Variants in CABIN1 observed in about 807,000 individuals in gnomAD.
CABIN1 encodes the protein calcineurin binding protein 1, also known as calcineurin-binding protein cabin-1.
A neutral mutation model predicts 227.7 loss-of-function variants in CABIN1; 133 were observed. That is an observed-to-expected ratio of 0.58 (90% CI 0.51 to 0.67). The LOEUF is 0.67. Ranked by LOEUF, CABIN1 falls within the 30% of genes least tolerant of loss-of-function variation. CABIN1 has a pLI of 0.00. For missense variants in CABIN1, 2,408 were observed against 2,852.5 expected (o/e 0.84, Z 3.55); for synonymous variants, 1,086 against 1,155.1 (o/e 0.94, Z 1.21).
intron 6 of CABIN1, 131 bp downstream of exon 6, chr22:24,043,215 A>G (rs1014109927): frequency 2.8e-5 from 19 of 676,258 alleles, no homozygotes; most frequent in East Asian, 5.7e-5. Flanking sequence ...GAGAATGGCA[A>G]TGTTCTTAGA....
chr22:24,047,553 T>C (rs1422787859), intron 6 of CABIN1, among the ~76,000 whole-genome samples: 2 of 152,238 alleles, frequency 1.3e-5, no homozygotes, highest in Non-Finnish European at 2.9e-5. Flanking sequence ...GGACCATCTA[T>C]TGAGCAGCGT....
At chr22:24,032,251 T>C (rs2036551066) in intron 1 of CABIN1, among the ~76,000 whole-genome samples, 4 of 152,250 alleles carry the variant, frequency 2.6e-5, no homozygotes, top group Admixed American at 2.0e-4. Flanking sequence ...ATTTGTTCTT[T>C]TGTGTCTGGC....
chr22:24,076,899 G>A (rs1349143169), intron 19 of CABIN1, among the ~76,000 whole-genome samples: 1 of 152,082 alleles, frequency 6.6e-6, no homozygotes, highest in Non-Finnish European at 1.5e-5. Context: ...CAGAGCACCT[G>A]GTGTTCTTCA....
chr22:24,098,286 A>C, intron 26 of CABIN1, 94 bp downstream of exon 26: 2 of 1,381,766 alleles, frequency 1.4e-6, no homozygotes, highest in Non-Finnish European at 2.0e-6. Flanking sequence ...CGTTTTGGTG[A>C]GGGGGGGTGC....
At chr22:24,076,143 T>C in intron 18 of CABIN1, 26 bp from the exon 19 acceptor site, 1 of 1,584,510 alleles carries the variant, frequency 6.3e-7, no homozygotes. Flanking sequence ...ACTAACTCTG[T>C]GTCTGTCGGC....
chr22:24,175,079 T>G lies in CABIN1; in HGVS notation c.6041-1032T>G, dbSNP rs2047029907. 2.0e-5 allele frequency among the ~76,000 whole-genome samples: 3 copies of G among 152,364 alleles called. No homozygotes were observed. The South Asian group carries it at 6.2e-4, about 32-fold the overall frequency. On this transcript the variant is annotated intron_variant, in intron 34 of 36. Coordinates refer to ENST00000263119, the MANE Select transcript of CABIN1 (RefSeq NM_012295.4). ...AAGAGGATCTGTTTCCTAGCATACC[T>G]TCTTCAGCCTGGAGAGTTGATCCTT...
chr22:24,049,009 A>G (rs2038113481), intron 6 of CABIN1, 82 bp from the exon 7 acceptor site: 1 of 1,509,944 alleles, frequency 6.6e-7, no homozygotes, highest in Non-Finnish European at 9.2e-7. Flanking sequence ...TTCTAGGAGC[A>G]GGATTTTCCT....
chr22:24,167,057 A>G lies in CABIN1; in HGVS notation c.5426A>G (p.Gln1809Arg). 4.5e-6 allele frequency: 7 copies of G among 1,545,696 alleles called. No homozygotes were observed. Among genetic ancestry groups the G allele is most frequent in the Non-Finnish European group, 5.2e-6 (6 of 1,145,406 alleles). ...GAGCTGAGCATCAGTGCCCGGCAGCAGCCCACCCCGCTCACCCCAGCCCAG... is the reference window on the plus strand; with the variant it reads ...GAGCTGAGCATCAGTGCCCGGCAGCGGCCCACCCCGCTCACCCCAGCCCAG... ...LEELSISARQQPTPLTPAQPA... is the reference protein window; with the variant it reads ...LEELSISARQRPTPLTPAQPA... The change falls in exon 32 of 37, where the codon CAG becomes CGG. Residue 1809 changes from glutamine to arginine, a missense_variant. Around this residue, in one of 3 missense-constraint regions of CABIN1, gnomAD observed 714 missense variants for 773.8 expected, o/e 0.92. Transcript: ENST00000263119.
Position 24,165,587 on chromosome 22 carries a change from T to C in CABIN1, c.4968T>C (p.Thr1656=), listed in dbSNP as rs141154605. 5.0e-6 allele frequency: 8 copies of C among 1,613,080 alleles called. No individual in the cohort carries two copies. The African/African-American group carries it at 9.3e-5, about 19-fold the overall frequency. ...QVLAQRAFIL[T]VKVLEDTLSE... Reference sequence around the variant, plus strand: ...TGGCGCAGCGGGCCTTCATCCTCACTGTGAAGGTGCTCGAAGACACGCTGA... The same window carrying C: ...TGGCGCAGCGGGCCTTCATCCTCACCGTGAAGGTGCTCGAAGACACGCTGA... The change falls in exon 31 of 37, where the codon ACT becomes ACC. Residue 1656 remains threonine, a synonymous_variant. Coordinates refer to ENST00000263119, the MANE Select transcript of CABIN1 (RefSeq NM_012295.4).
chr22:24,166,899 G>T lies in CABIN1; in HGVS notation c.5268G>T (p.Gly1756=), dbSNP rs755107180. ...AGGATAAAGAGAGCCCACGGGCAGG[G>T]CCCACTGAGCCCATGGACACGAGTG... The part of the protein sequence containing the change: ...ERKDKESPRA[G]PTEPMDTSEA... The change falls in exon 32 of 37, where the codon GGG becomes GGT. Residue 1756 remains glycine, a synonymous_variant. Coordinates refer to ENST00000263119, the MANE Select transcript of CABIN1 (RefSeq NM_012295.4). 1 of 1,608,180 alleles carries T rather than the reference G, an allele frequency of 6.2e-7. No homozygotes were observed. The highest frequency in any genetic ancestry group is 1.3e-5 in the African/African-American group (1 of 74,830).
chr22:24,075,685 C>T (rs1203065082), intron 18 of CABIN1, among the ~76,000 whole-genome samples: 1 of 151,728 alleles, frequency 6.6e-6, no homozygotes, highest in African/African-American at 2.4e-5. Context: ...TTGGAGGCTG[C>T]AGTGAGCTAT....
At chr22:24,154,969 CTA>C (rs777676629) in intron 29 of CABIN1, among the ~76,000 whole-genome samples, 5 of 151,902 alleles carry the variant, frequency 3.3e-5, no homozygotes, top group African/African-American at 7.3e-5. Flanking sequence ...AGGAACGGCG[CTA>C]TGTGATAAGA....
Position 24,062,998 on chromosome 22 carries a change from G to C in CABIN1, c.1736G>C (p.Arg579Thr). 1 of 1,614,236 alleles carries C rather than the reference G, an allele frequency of 6.2e-7. No individual in the cohort carries two copies. Among genetic ancestry groups the C allele is most frequent in the Non-Finnish European group, 8.5e-7 (1 of 1,180,042 alleles). ...RNCPAGMVNG[R>T]FGPDFPGTHC... Reference sequence around the variant, plus strand: ...TGCCCTGCTGGTATGGTGAATGGCAGATTTGGACCTGACTTCCCAGGGACC... The same window carrying C: ...TGCCCTGCTGGTATGGTGAATGGCACATTTGGACCTGACTTCCCAGGGACC... Residue 579 changes from arginine (R) to threonine (T), a missense_variant, in exon 14 of 37, where the codon AGA becomes ACA. Physicochemically the swap from Arg to Thr is moderately conservative, Grantham distance 71. Around this residue, in one of 3 missense-constraint regions of CABIN1, gnomAD observed 1,045 missense variants for 1,168.4 expected, o/e 0.89. Transcript: ENST00000263119.
intron 19 of CABIN1, among the ~76,000 whole-genome samples, chr22:24,076,794 G>T (rs1437822586): frequency 6.6e-6 from 1 of 152,204 alleles, no homozygotes; most frequent in Admixed American, 6.5e-5. Context: ...TGATTGACTG[G>T]AAGTAGCTCC....
intron 29 of CABIN1, among the ~76,000 whole-genome samples, chr22:24,148,243 A>G (rs2045271285): frequency 6.6e-6 from 1 of 152,208 alleles, no homozygotes; most frequent in Non-Finnish European, 1.5e-5. Flanking sequence ...AGAGATGGAC[A>G]ATGTTTGAGC....
At chr22:24,081,323 A>G (rs2040792499) in intron 19 of CABIN1, among the ~76,000 whole-genome samples, 1 of 152,166 alleles carries the variant, frequency 6.6e-6, no homozygotes, top group Admixed American at 6.5e-5. Context: ...TAAATTCTAA[A>G]CTACTATTTC....
rs528298294 is a variant in CABIN1 at position 24,055,294 on chromosome 22, G to A, written c.1093+135G>A. 5 of 1,058,168 alleles carry A rather than the reference G, an allele frequency of 4.7e-6. No homozygotes were observed. The South Asian group carries it at 4.8e-5, about 10-fold the overall frequency. The allele number at this position is 1,058,168 out of a possible 1,614,324, so 65.5% of individuals were successfully genotyped here. A position where few individuals can be genotyped will look rare whatever the true frequency, so the allele number is the denominator to read the frequency against. ...GCTCATGACTCAAGTGGAAGTGGGA[G>A]CCCCCAGCCCTAGAGGAGCCTCTCA... On this transcript the variant is annotated intron_variant, in intron 9 of 36. Coordinates refer to ENST00000263119, the MANE Select transcript of CABIN1 (RefSeq NM_012295.4).
chr22:24,066,023 G>A (rs1052543926), intron 15 of CABIN1, among the ~76,000 whole-genome samples: 1 of 152,212 alleles, frequency 6.6e-6, no homozygotes, highest in Non-Finnish European at 1.5e-5. Flanking sequence ...ACCATGGAAA[G>A]AGATGGAGAG....
chr22:24,059,164 G>A, intron 10 of CABIN1, 63 bp from the exon 11 acceptor site: 1 of 1,599,920 alleles, frequency 6.3e-7, no homozygotes. Context: ...CTAACAGGAA[G>A]AGTTCAGATG....
Sources: gnomAD v4.1 joint callset for allele counts (sites outside exome capture counted in the v4.1 genomes callset) on GRCh38, gnomAD v4.1.1 for gene constraint, gnomAD v4.1.1 regional missense constraint, MANE v1.5 for transcripts, NCBI Gene and HGNC (gene_info 2026-07-23, HGNC 2026-07-21) for gene names.